The following POMK variants were observed in gnomAD, a reference collection of about 807,000 sequenced individuals.
The protein encoded by POMK is Sugen kinase 196.
A neutral mutation model predicts 23.0 loss-of-function variants in POMK; 19 were observed. The observed-to-expected ratio is 0.83, with a 90% CI of 0.58 to 1.21. The LOEUF (loss-of-function observed/expected upper bound fraction) is 1.21. Among genes scored for constraint, POMK ranks in the 50% most tolerant of loss-of-function variants. POMK has a pLI of 0.00. For synonymous variants in POMK, 173 were observed against 171.6 expected (o/e 1.01, Z -0.06); for missense variants, 410 against 431.3 (o/e 0.95, Z 0.44).
At chr8:43,104,549 A>G (rs1586672182) in intron 4 of POMK, among the ~76,000 whole-genome samples, 1 of 152,234 alleles carries the variant, frequency 6.6e-6, no homozygotes, top group African/African-American at 2.4e-5. Flanking sequence ...TAGGAACCCC[A>G]AGAGGCAACA....
chr8:43,118,414 G>T (rs769566709), intron 4 of POMK, among the ~76,000 whole-genome samples: 9 of 152,212 alleles, frequency 5.9e-5, no homozygotes, highest in Non-Finnish European at 1.5e-5. Context: ...ATGACAGCCA[G>T]TTACCAGGTT....
At position 43,122,887 on chromosome 8, in the gene POMK, C is replaced by T. The variant is rs755763171; in HGVS notation, c.*10C>T. The T allele has an allele frequency of 2.5e-6, 4 of 1,592,936 alleles. No homozygotes were observed. In the African/African-American group the frequency reaches 4.0e-5, roughly 16 times the overall value. The stretch of plus-strand genomic sequence containing the variant: ...AAGAGAGATGCTGTGAAAACCAGTC[C>T]AGCCAATGAAGGTGGGATTGAAGGG... On this transcript the variant is annotated 3_prime_UTR_variant, in exon 5 of 5. Coordinates refer to ENST00000331373, the MANE Select transcript of POMK (RefSeq NM_032237.5).
At chr8:43,110,346 G>C (rs1225630661) in intron 4 of POMK, among the ~76,000 whole-genome samples, 1 of 152,220 alleles carries the variant, frequency 6.6e-6, no homozygotes, top group Non-Finnish European at 1.5e-5. Flanking sequence ...TAGCTAGGGA[G>C]TGTGGCTAAC....
intron 4 of POMK, among the ~76,000 whole-genome samples, chr8:43,111,283 C>G (rs572018498): frequency 1.3e-5 from 2 of 152,180 alleles, no homozygotes; most frequent in East Asian, 3.9e-4. Flanking sequence ...TATCCTGCAC[C>G]TGGCTCGGAG....
chr8:43,113,604 T>G (rs1428187798), intron 4 of POMK, among the ~76,000 whole-genome samples: 1 of 152,276 alleles, frequency 6.6e-6, no homozygotes, highest in African/African-American at 2.4e-5. Flanking sequence ...CCTTCTTCTC[T>G]GAACTCGTCA....
At position 43,118,431 on chromosome 8, in the gene POMK, G is replaced by T. The variant is rs73675455; in HGVS notation, c.283-3676G>T. ...GACAGCCAGTTACCAGGTTTCCTTT[G>T]GGTCGGGAAGTAAAACTGGGGGCAG... On this transcript the variant is annotated intron_variant, in intron 4 of 4. Coordinates refer to ENST00000331373, the MANE Select transcript of POMK (RefSeq NM_032237.5). Among the ~76,000 whole-genome samples, 293 of 152,292 alleles carry T rather than the reference G, an allele frequency of 1.9e-3. 2 individuals are homozygous for T. Among genetic ancestry groups the T allele is most frequent in the African/African-American group, 6.6e-3 (273 of 41,560 alleles).
rs780941335 is a variant in POMK at position 43,110,850 on chromosome 8, G to A, written c.282+7020G>A. On this transcript the variant is annotated intron_variant, in intron 4 of 4. Coordinates refer to ENST00000331373, the MANE Select transcript of POMK (RefSeq NM_032237.5). The stretch of plus-strand genomic sequence containing the variant: ...AATTGCTTGAAGCTGAAGCCGGGAG[G>A]CGGAGGTTGCAGTGAGCCGAGATCG... Among the ~76,000 whole-genome samples, 29 of 152,156 alleles carry A rather than the reference G, an allele frequency of 1.9e-4. 1 individual carries two copies. The highest frequency in any genetic ancestry group is 2.2e-4 in the Non-Finnish European group (15 of 68,046).
intron 1 of POMK, among the ~76,000 whole-genome samples, chr8:43,095,076 C>T (rs1811306163): frequency 6.6e-6 from 1 of 152,170 alleles, no homozygotes; most frequent in Admixed American, 6.5e-5. Flanking sequence ...CTTTAAGAAA[C>T]CGGCAGTCCC....
At chr8:43,113,972 T>C (rs1811738318) in intron 4 of POMK, among the ~76,000 whole-genome samples, 1 of 152,178 alleles carries the variant, frequency 6.6e-6, no homozygotes, top group South Asian at 2.1e-4. Flanking sequence ...CCTCTGGAAG[T>C]TTTGTCTCAG....
At chr8:43,120,237 T>C (rs1811885266) in intron 4 of POMK, among the ~76,000 whole-genome samples, 3 of 151,102 alleles carry the variant, frequency 2.0e-5, no homozygotes. Flanking sequence ...TGAGATGGAG[T>C]TTCACTCTTG....
At chr8:43,111,257 G>A (rs538548494) in intron 4 of POMK, among the ~76,000 whole-genome samples, 3 of 152,304 alleles carry the variant, frequency 2.0e-5, no homozygotes, top group African/African-American at 7.2e-5. Flanking sequence ...TCAACAAGTG[G>A]CACACCAGGA....
chr8:43,108,725 AC>A (rs1267841382), intron 4 of POMK, among the ~76,000 whole-genome samples: 18 of 152,354 alleles, frequency 1.2e-4, no homozygotes, highest in African/African-American at 4.3e-4. Context: ...GTTATCAGAA[AC>A]TTGCATTCAA....
rs901847572 is a variant in POMK, at chr8:43,123,082, G to A, written c.*205G>A. On this transcript the variant is annotated 3_prime_UTR_variant, in exon 5 of 5. Coordinates refer to ENST00000331373, the MANE Select transcript of POMK (RefSeq NM_032237.5). ...ATTTTTTTTTTTTTCTTTGAGATGC[G>A]GTCTTGCTCTGTTGCTGAGGCTGGA... is the stretch of plus-strand genomic sequence containing the variant. 30 of 538,082 alleles carry A rather than the reference G, an allele frequency of 5.6e-5. No homozygotes were observed. The highest frequency in any genetic ancestry group is 2.9e-4 in the African/African-American group (15 of 51,988). 33.3% of individuals were successfully genotyped at this position (538,082 alleles called of 1,614,324 possible).
intron 4 of POMK, among the ~76,000 whole-genome samples, chr8:43,104,267 C>T (rs1410814377): frequency 6.6e-6 from 1 of 152,082 alleles, no homozygotes; most frequent in Non-Finnish European, 1.5e-5. Context: ...GGACTATGGG[C>T]ATATGCCACC....
chr8:43,100,060 G>T (rs1811406895), intron 2 of POMK, among the ~76,000 whole-genome samples: 1 of 152,216 alleles, frequency 6.6e-6, no homozygotes, highest in East Asian at 1.9e-4. Flanking sequence ...ATCTGAGAGG[G>T]CACAGGGCAG....
chr8:43,103,931 C>G, intron 4 of POMK, 101 bp downstream of exon 4: 2 of 1,217,660 alleles, frequency 1.6e-6, no homozygotes, highest in East Asian at 5.0e-5. Flanking sequence ...GAATTTCATC[C>G]TTTGTTACTG....
intron 4 of POMK, among the ~76,000 whole-genome samples, chr8:43,105,759 G>A (rs1484246021): frequency 1.3e-5 from 2 of 152,158 alleles, no homozygotes; most frequent in African/African-American, 4.8e-5. Flanking sequence ...CCACTTCTGG[G>A]TTCAAGCAAT....
At position 43,122,415 on chromosome 8, in the gene POMK, G is replaced by A. The variant is rs534295348; in HGVS notation, c.591G>A (p.Val197=). ...SIINYLHHSP[V]GTRVMCDSND... ...TTAATTACCTGCACCACAGCCCTGT[G>A]GGCACACGGGTCATGTGCGACTCCA... Residue 197 remains valine (V), a synonymous_variant, in exon 5 of 5, where the codon GTG becomes GTA. Transcript: ENST00000331373. 11 of 1,614,014 alleles carry A rather than the reference G, an allele frequency of 6.8e-6. No individual in the cohort carries two copies. In the African/African-American group the frequency reaches 1.1e-4, roughly 16 times the overall value.
chr8:43,113,398 T>C (rs963379980), intron 4 of POMK, among the ~76,000 whole-genome samples: 1 of 152,240 alleles, frequency 6.6e-6, no homozygotes, highest in African/African-American at 2.4e-5. Context: ...TCCAGTTGAT[T>C]GCATCGACTC....
Sources: gnomAD v4.1 joint callset for allele counts (sites outside exome capture counted in the v4.1 genomes callset) on GRCh38, gnomAD v4.1.1 for gene constraint, MANE v1.5 for transcripts, NCBI Gene and HGNC (gene_info 2026-07-23, HGNC 2026-07-21) for gene names.